The following ART3 variants were observed in gnomAD, a reference collection of about 807,000 sequenced individuals.
ART3 encodes ecto-ADP-ribosyltransferase 3.
A neutral mutation model predicts 48.5 loss-of-function variants in ART3; 49 were observed. The ratio of observed to expected loss-of-function variants is 1.01; its 90% CI spans 0.80 to 1.28. ART3 has a LOEUF of 1.28. Ranked by LOEUF, ART3 falls within the 50% of genes most tolerant of loss-of-function variation. The pLI is 0.00. For missense variants in ART3, 438 were observed against 454.3 expected (o/e 0.96, Z 0.33); for synonymous variants, 145 against 157.2 (o/e 0.92, Z 0.58).
Position 76,103,979 on chromosome 4 carries a change from C to G in ART3, c.970+10C>G. On this transcript the variant is annotated intron_variant, in intron 9 of 11. Transcript: ENST00000355810. ...CCCACCCAAATACCTGGTAAGACAG[C>G]TTTCTATTTACTCCCTGAGCCCAAG... 1.2e-6 allele frequency: 2 copies of G among 1,612,806 alleles called. No individual in the cohort carries two copies. Among genetic ancestry groups the G allele is most frequent in the Non-Finnish European group, 1.7e-6 (2 of 1,179,082 alleles).
At chr4:76,022,784 C>T in intron 1 of ART3, 1 of 1,612,360 alleles carries the variant, frequency 6.2e-7, no homozygotes, top group Non-Finnish European at 8.5e-7. Context: ...AATGCTGATG[C>T]AGGTACAGCG....
chr4:76,057,385 C>T (rs1718794023), intron 1 of ART3, among the ~76,000 whole-genome samples: 1 of 152,042 alleles, frequency 6.6e-6, no homozygotes, highest in South Asian at 2.1e-4. Flanking sequence ...GTTCCAAGTA[C>T]CAACGCTCAT....
At chr4:76,050,927 G>A (rs1004463861) in intron 1 of ART3, among the ~76,000 whole-genome samples, 14 of 152,208 alleles carry the variant, frequency 9.2e-5, no homozygotes, top group Non-Finnish European at 8.8e-5. Context: ...GCCTGGGGCC[G>A]GCAGGGCCGG....
intron 1 of ART3, among the ~76,000 whole-genome samples, chr4:76,066,626 T>C (rs1719762310): frequency 6.6e-6 from 1 of 152,076 alleles, no homozygotes; most frequent in Admixed American, 6.5e-5. Context: ...CGGCTATTTA[T>C]GGACCTCAGA....
chr4:76,025,305 A>G (rs1733277925), intron 1 of ART3, among the ~76,000 whole-genome samples: 1 of 152,232 alleles, frequency 6.6e-6, no homozygotes, highest in African/African-American at 2.4e-5. Flanking sequence ...GAAGAGGCCT[A>G]GAAAAGTTCA....
chr4:76,084,761 C>T (rs1188146518), intron 3 of ART3, among the ~76,000 whole-genome samples: 1 of 152,142 alleles, frequency 6.6e-6, no homozygotes, highest in African/African-American at 2.4e-5. Context: ...CTGTGGTAAA[C>T]ATAACCCTTG....
rs1443739540 is a variant in ART3, at chr4:76,112,295, T to A, written c.1037-91T>A. ...GTAAGTTTCTACTTCAACTTTAGTG[T>A]CATTGTTTACATATTCAGGATATAT... On this transcript the variant is annotated intron_variant, in intron 11 of 11. Transcript: ENST00000355810. The A allele has an allele frequency of 3.5e-6, 5 of 1,445,286 alleles. No individual in the cohort carries two copies. In the African/African-American group the frequency reaches 7.2e-5, roughly 21 times the overall value. 89.5% of individuals were successfully genotyped at this position (1,445,286 alleles called of 1,614,324 possible). A position where few individuals can be genotyped will look rare whatever the true frequency, so the allele number is the denominator to read the frequency against.
intron 3 of ART3, among the ~76,000 whole-genome samples, chr4:76,092,275 C>T (rs1725069363): frequency 6.6e-6 from 1 of 152,164 alleles, no homozygotes; most frequent in African/African-American, 2.4e-5. Context: ...TAATTTCTGT[C>T]AGCTGTATCC....
At chr4:76,046,347 C>A (rs1735498785) in intron 1 of ART3, among the ~76,000 whole-genome samples, 2 of 151,966 alleles carry the variant, frequency 1.3e-5, no homozygotes. Context: ...GGGTTGGGTA[C>A]AACTGGATAT....
intron 1 of ART3, among the ~76,000 whole-genome samples, chr4:76,046,965 A>G (rs9992010): frequency 0.62 from 93,324 of 151,410 alleles, 30,095 homozygotes; most frequent in East Asian, 0.94. Flanking sequence ...ATAGTTAAAC[A>G]TACCCGGGGC....
At chr4:76,056,474 A>T (rs1314789215) in intron 1 of ART3, among the ~76,000 whole-genome samples, 1 of 152,182 alleles carries the variant, frequency 6.6e-6, no homozygotes, top group African/African-American at 2.4e-5. Context: ...AAAAGCCAGG[A>T]ATCAAGGGTT....
intron 1 of ART3, among the ~76,000 whole-genome samples, chr4:76,011,699 G>T (rs573567509): frequency 6.6e-6 from 1 of 152,238 alleles, no homozygotes; most frequent in Non-Finnish European, 1.5e-5. Context: ...TCTCTCGCCT[G>T]ACCCTACTTC....
At chr4:76,035,950 A>G (rs1734357007) in intron 1 of ART3, 1 of 1,613,982 alleles carries the variant, frequency 6.2e-7, no homozygotes. Context: ...AGCACACAAT[A>G]TCACAGCCAA....
At chr4:76,034,905 G>T in intron 1 of ART3, 1 of 1,376,604 alleles carries the variant, frequency 7.3e-7, no homozygotes, top group Non-Finnish European at 1.0e-6. Flanking sequence ...AGGGGAAGCT[G>T]TTACAACCAA....
intron 7 of ART3, 60 bp from the exon 8 acceptor site, chr4:76,100,930 A>G (rs1727162710): frequency 6.2e-7 from 1 of 1,606,854 alleles, no homozygotes; most frequent in African/African-American, 1.3e-5. Context: ...CTGTAGCTAT[A>G]GTAACTGCCA....
rs1346428242 is a variant in ART3 at position 76,075,971 on chromosome 4, A to T, written c.69+13A>T. 6.4e-7 allele frequency: 1 copy of T among 1,571,224 alleles called. No individual in the cohort carries two copies. The highest frequency in any genetic ancestry group is 2.3e-5 in the East Asian group (1 of 44,294). The stretch of plus-strand genomic sequence containing the variant: ...GGACATTTTCCAGGTAATGTTGGGA[A>T]TGGGAAGCATGTGGTCATTGGAATG... On this transcript the variant is annotated intron_variant, in intron 2 of 11. Transcript: ENST00000355810.
At chr4:76,105,396 AGCTTCT>A in intron 10 of ART3, 1 of 859,216 alleles carries the variant, frequency 1.2e-6, no homozygotes, top group Non-Finnish European at 1.5e-6. Flanking sequence ...AAATGAGGAA[AGCTTCT>A]GTCTTGCAGG....
chr4:76,090,216 G>T (rs969641402), intron 3 of ART3, among the ~76,000 whole-genome samples: 76 of 152,314 alleles, frequency 5.0e-4, no homozygotes, highest in African/African-American at 1.8e-3. Context: ...GCCAGGTTTG[G>T]CCCTTTATTG....
chr4:76,022,818 C>G (rs1433789272), intron 1 of ART3: 3 of 1,607,016 alleles, frequency 1.9e-6, no homozygotes, highest in Non-Finnish European at 2.5e-6. Flanking sequence ...AGAGGTACTC[C>G]TGTAGGAAAA....
Sources: gnomAD v4.1 joint callset for allele counts (sites outside exome capture counted in the v4.1 genomes callset) on GRCh38, gnomAD v4.1.1 for gene constraint, MANE v1.5 for transcripts, NCBI Gene and HGNC (gene_info 2026-07-23, HGNC 2026-07-21) for gene names.